Variants in ZBTB7C observed in about 807,000 individuals in gnomAD.
ZBTB7C encodes the protein zinc finger and BTB domain-containing protein 7C.
ZBTB7C carries 8 observed loss-of-function variants against 25.7 expected under a neutral mutation model. The ratio of observed to expected loss-of-function variants is 0.31; its 90% confidence interval spans 0.18 to 0.56. The LOEUF (loss-of-function observed/expected upper bound fraction) is 0.56. Ranked by LOEUF, ZBTB7C falls within the 20% of genes least tolerant of loss-of-function variation. The probability of loss-of-function intolerance (pLI) is 0.91; values close to 1 mark genes in which losing one functional copy is unlikely to be tolerated. For missense variants in ZBTB7C, 824 were observed against 855.2 expected (o/e 0.96, Z 0.46); for synonymous variants, 394 against 369.0 (o/e 1.07, Z -0.78).
intron 3 of ZBTB7C, among the ~76,000 whole-genome samples, chr18:48,115,480 C>T (rs1432340279): frequency 1.3e-5 from 2 of 152,074 alleles, no homozygotes; most frequent in African/African-American, 4.8e-5. Context: ...CCTCGAGATC[C>T]GCCCGCCTCA....
intron 3 of ZBTB7C, among the ~76,000 whole-genome samples, chr18:48,045,636 C>T (rs1335217147): frequency 6.6e-6 from 1 of 152,164 alleles, no homozygotes; most frequent in East Asian, 1.9e-4. Flanking sequence ...GGGTCCACAT[C>T]CCATCCACAC....
At chr18:48,170,284 C>G (rs1320779366) in intron 3 of ZBTB7C, among the ~76,000 whole-genome samples, 1 of 152,252 alleles carries the variant, frequency 6.6e-6, no homozygotes, top group African/African-American at 2.4e-5. Context: ...CTACCCACAC[C>G]CCAAGGGCTA....
At chr18:48,243,002 G>T (rs2043571206) in intron 2 of ZBTB7C, among the ~76,000 whole-genome samples, 1 of 151,994 alleles carries the variant, frequency 6.6e-6, no homozygotes. Flanking sequence ...GGTGGCTCAT[G>T]CCCATAATCC....
chr18:48,129,003 T>TA (rs2039898874), intron 3 of ZBTB7C, among the ~76,000 whole-genome samples: 1 of 152,090 alleles, frequency 6.6e-6, no homozygotes, highest in African/African-American at 2.4e-5. Flanking sequence ...ATTTTCCTAA[T>TA]AACTAGGTTT....
At chr18:48,082,156 C>T (rs2038015340) in intron 3 of ZBTB7C, among the ~76,000 whole-genome samples, 1 of 152,032 alleles carries the variant, frequency 6.6e-6, no homozygotes, top group Non-Finnish European at 1.5e-5. Flanking sequence ...TAAAACAGTC[C>T]CCATAAAGCA....
At chr18:48,243,185 A>G (rs1476445383) in intron 2 of ZBTB7C, among the ~76,000 whole-genome samples, 1 of 147,546 alleles carries the variant, frequency 6.8e-6, no homozygotes, top group Non-Finnish European at 1.5e-5. Flanking sequence ...AACTGCTTGA[A>G]CCTGGGAGGT....
At chr18:48,250,321 C>G (rs1161819771) in intron 2 of ZBTB7C, among the ~76,000 whole-genome samples, 4 of 152,168 alleles carry the variant, frequency 2.6e-5, no homozygotes, top group Non-Finnish European at 5.9e-5. Context: ...CTGCTAGATC[C>G]TAGCTGGGAG....
intron 3 of ZBTB7C, among the ~76,000 whole-genome samples, chr18:48,063,725 A>G (rs575495562): frequency 1.3e-5 from 2 of 152,282 alleles, no homozygotes; most frequent in Admixed American, 6.5e-5. Context: ...TGAGAGGTGT[A>G]TGGGGCTATG....
chr18:48,303,194 C>G (rs1190700396), intron 2 of ZBTB7C, among the ~76,000 whole-genome samples: 4 of 152,230 alleles, frequency 2.6e-5, no homozygotes, highest in African/African-American at 9.6e-5. Flanking sequence ...TGCTCCTTGA[C>G]TTGATCTCTC....
chr18:48,373,423 A>G (rs1440237443), intron 1 of ZBTB7C, among the ~76,000 whole-genome samples: 1 of 152,100 alleles, frequency 6.6e-6, no homozygotes, highest in Non-Finnish European at 1.5e-5. Flanking sequence ...AAGCCAATTA[A>G]ACCTCTTTTC....
intron 2 of ZBTB7C, among the ~76,000 whole-genome samples, chr18:48,217,921 G>T (rs536440902): frequency 5.2e-4 from 79 of 152,172 alleles, no homozygotes; most frequent in African/African-American, 1.7e-3. Context: ...GTCCCAGGGG[G>T]AGCCCTGGGA....
At chr18:48,051,637 G>A (rs1338118032) in intron 3 of ZBTB7C, among the ~76,000 whole-genome samples, 1 of 151,886 alleles carries the variant, frequency 6.6e-6, no homozygotes, top group African/African-American at 2.4e-5. Flanking sequence ...TCTTCCCTGA[G>A]GCCATTGCTT....
At chr18:48,381,889 CAGA>C (rs991875363) in intron 1 of ZBTB7C, among the ~76,000 whole-genome samples, 1 of 152,170 alleles carries the variant, frequency 6.6e-6, no homozygotes, top group African/African-American at 2.4e-5. Context: ...AGCTTCTGAT[CAGA>C]AGCGGCATAT....
At chr18:48,386,071 C>T (rs573029784) in intron 1 of ZBTB7C, among the ~76,000 whole-genome samples, 4 of 152,322 alleles carry the variant, frequency 2.6e-5, no homozygotes, top group South Asian at 4.1e-4. Flanking sequence ...CCACCCCTGT[C>T]GAGTGCAATC....
chr18:48,133,342 A>C (rs922976445), intron 3 of ZBTB7C, among the ~76,000 whole-genome samples: 2 of 152,240 alleles, frequency 1.3e-5, no homozygotes, highest in Non-Finnish European at 2.9e-5. Context: ...GGGGCCTTCC[A>C]AATGGAACAA....
intron 3 of ZBTB7C, among the ~76,000 whole-genome samples, chr18:48,110,307 A>G (rs1179060859): frequency 6.7e-6 from 1 of 148,606 alleles, no homozygotes; most frequent in East Asian, 1.9e-4. Flanking sequence ...TTTGCTGTCC[A>G]TACTCTGGCC....
chr18:48,203,052 C>A (rs2042493478), intron 2 of ZBTB7C, among the ~76,000 whole-genome samples: 2 of 152,114 alleles, frequency 1.3e-5, no homozygotes, highest in Non-Finnish European at 2.9e-5. Flanking sequence ...TCCAAGGTGT[C>A]CACACCTCCC....
chr18:48,137,055 G>A (rs1217244477), intron 3 of ZBTB7C: 6 of 985,256 alleles, frequency 6.1e-6, no homozygotes, highest in Admixed American at 6.2e-5. Context: ...TGTCCTGAGC[G>A]CCGCCAGGGT....
chr18:48,196,671 A>C (rs746993231), intron 2 of ZBTB7C, among the ~76,000 whole-genome samples: 2 of 151,898 alleles, frequency 1.3e-5, no homozygotes, highest in Non-Finnish European at 2.9e-5. Flanking sequence ...TCCTCTTTTA[A>C]CTTCCCTTCT....
Sources: gnomAD v4.1 joint callset for allele counts (sites outside exome capture counted in the v4.1 genomes callset) on GRCh38, gnomAD v4.1.1 for gene constraint, MANE v1.5 for transcripts, NCBI Gene and HGNC (gene_info 2026-07-23, HGNC 2026-07-21) for gene names.